The following SAXO4 variants were observed in gnomAD, a reference collection of about 807,000 sequenced individuals.
SAXO4 encodes stabilizer of axonemal microtubules 4, also known as protein phosphatase 1 regulatory subunit 32.
chr11:61,486,904 G>C, the SAXO4 span: 1,288,269 of 1,546,094 alleles, frequency 0.83, 539,226 homozygotes, highest in East Asian at 0.97. Flanking sequence ...GCTGCCTCAG[G>C]CTGGCCACCT....
chr11:61,482,313 C>T, the SAXO4 span: 18 of 1,613,758 alleles, frequency 1.1e-5, no homozygotes, highest in African/African-American at 8.0e-5. Context: ...TCTGGCAGGT[C>T]GGGAGGATTT....
chr11:61,490,402 G>A, the SAXO4 span: 1 of 1,112,090 alleles, frequency 9.0e-7, no homozygotes, highest in Non-Finnish European at 1.4e-6. Flanking sequence ...GCTGAACCCT[G>A]GCTATGCTCT....
the SAXO4 span, chr11:61,489,403 A>G: frequency 2.1e-6 from 1 of 483,878 alleles, no homozygotes; most frequent in African/African-American, 1.9e-5. Flanking sequence ...CCCCCTTCTT[A>G]CTTGTCTTTG....
the SAXO4 span, chr11:61,490,548 G>A: frequency 1.9e-6 from 3 of 1,614,136 alleles, no homozygotes; most frequent in Non-Finnish European, 2.5e-6. Flanking sequence ...CCTCACAGCA[G>A]CCGCTGCGTG....
chr11:61,490,632 A>C, the SAXO4 span: 4 of 1,519,300 alleles, frequency 2.6e-6, no homozygotes, highest in Non-Finnish European at 3.6e-6. Context: ...TTGTGTGGGC[A>C]ACCGTTATGG....
chr11:61,486,522 A>G, the SAXO4 span: 2 of 1,613,970 alleles, frequency 1.2e-6, no homozygotes, highest in South Asian at 1.1e-5. Flanking sequence ...TGCTCCCTCC[A>G]GGGAGATGAG....
chr11:61,483,962 G>A, the SAXO4 span, among the ~76,000 whole-genome samples: 6 of 151,840 alleles, frequency 4.0e-5, no homozygotes, highest in African/African-American at 1.2e-4. Flanking sequence ...AAAGCCAGGC[G>A]TGGTGGCTCA....
At chr11:61,482,840 G>A in the SAXO4 span, 6 of 1,563,188 alleles carry the variant, frequency 3.8e-6, no homozygotes, top group Non-Finnish European at 5.2e-6. Flanking sequence ...GGAGAGGGAA[G>A]CCTCAGGGTG....
At chr11:61,490,172 G>A in the SAXO4 span, among the ~76,000 whole-genome samples, 3 of 152,154 alleles carry the variant, frequency 2.0e-5, no homozygotes, top group African/African-American at 7.2e-5. Context: ...TCCTGCCCCT[G>A]TTCCCCAGGC....
the SAXO4 span, chr11:61,486,539 C>T: frequency 1.3e-5 from 21 of 1,614,168 alleles, no homozygotes; most frequent in East Asian, 4.5e-4. Context: ...TGAGTTCCTA[C>T]CTGTGTTGGC....
chr11:61,489,153 G>GCCAGAGGCTCAGTCTGGGTGTGAGGA, the SAXO4 span: 7,929 of 155,290 alleles, frequency 0.051, 566 homozygotes, highest in African/African-American at 0.16. Context: ...GTGGGGGAGG[G>GCCAGAGGCTCAGTCTGGGTGTGAGGA]GCAACGATGT....
At chr11:61,490,039 C>T in the SAXO4 span, 30 of 1,278,244 alleles carry the variant, frequency 2.3e-5, no homozygotes, top group East Asian at 3.0e-4. Context: ...GCTGTCAGTC[C>T]GGTTCATTCC....
chr11:61,484,691 C>T, the SAXO4 span: 1,518 of 1,613,524 alleles, frequency 9.4e-4, 19 homozygotes, highest in South Asian at 0.015. Flanking sequence ...CTCCCAGGTC[C>T]GGAAGGTCCA....
the SAXO4 span, chr11:61,484,554 C>T: frequency 8.9e-7 from 1 of 1,117,666 alleles, no homozygotes; most frequent in Non-Finnish European, 1.3e-6. Flanking sequence ...AGAGAGGGGA[C>T]ATGCAGGTTT....
At chr11:61,483,237 G>C in the SAXO4 span, among the ~76,000 whole-genome samples, 1 of 148,358 alleles carries the variant, frequency 6.7e-6, no homozygotes, top group Non-Finnish European at 1.5e-5. Flanking sequence ...CACGATCTCG[G>C]CTCACTGCAA....
the SAXO4 span, among the ~76,000 whole-genome samples, chr11:61,483,535 CTCAT>C: frequency 4.6e-5 from 7 of 152,162 alleles, no homozygotes; most frequent in African/African-American, 1.7e-4. Context: ...AAAATGGACA[CTCAT>C]TCATTCATCC....
the SAXO4 span, chr11:61,485,545 C>T: frequency 4.9e-6 from 4 of 817,534 alleles, no homozygotes; most frequent in Non-Finnish European, 7.7e-6. Context: ...GAGGGAAGCG[C>T]CTCTCCCGGG....
the SAXO4 span, among the ~76,000 whole-genome samples, chr11:61,488,301 CTT>C: frequency 1.2e-4 from 13 of 107,382 alleles, no homozygotes; most frequent in African/African-American, 1.5e-4. Context: ...AGTACAATTC[CTT>C]TTTTTTTTTT....
chr11:61,483,134 A>C, the SAXO4 span, among the ~76,000 whole-genome samples: 1 of 149,058 alleles, frequency 6.7e-6, no homozygotes, highest in Non-Finnish European at 1.5e-5. Flanking sequence ...CACCATGGAC[A>C]TCCTCACCCC....
Sources: allele counts gnomAD v4.1 joint callset (sites outside exome capture counted in the v4.1 genomes callset), GRCh38; gene constraint gnomAD v4.1.1; transcripts MANE v1.5; gene names NCBI Gene and HGNC (gene_info 2026-07-23, HGNC 2026-07-21).